The following SASH1 variants were observed in gnomAD, a reference collection of about 807,000 sequenced individuals.
The protein encoded by SASH1 is SAM and SH3 domain-containing protein 1.
Under a neutral mutation model 125.2 loss-of-function variants are expected in SASH1, and 44 were observed. That is an observed-to-expected ratio of 0.35 (90% CI 0.28 to 0.45). The LOEUF (loss-of-function observed/expected upper bound fraction) is 0.45, where lower values mean the gene tolerates loss of function less well. SASH1 is among the 20% of genes least tolerant of loss of function. The pLI is 1.00. For synonymous variants in SASH1, 639 were observed against 649.1 expected (o/e 0.98, Z 0.24); for missense variants, 1,426 against 1,614.5 (o/e 0.88, Z 2.00).
At chr6:148,212,899 A>G in the SASH1 span, among the ~76,000 whole-genome samples, 2 of 152,164 alleles carry the variant, frequency 1.3e-5, no homozygotes, top group Non-Finnish European at 2.9e-5. Context: ...TCTGTGCCTG[A>G]GCCATGCAGT....
At chr6:148,270,254 C>G (rs1779030295), upstream of SASH1, among the ~76,000 whole-genome samples, 2 of 152,198 alleles carry the variant, frequency 1.3e-5, no homozygotes, top group Non-Finnish European at 1.5e-5. Flanking sequence ...AACTCATAAG[C>G]CGGTGCTCTT....
intron 1 of SASH1, among the ~76,000 whole-genome samples, chr6:148,354,828 T>C (rs1781866853): frequency 1.3e-5 from 2 of 152,312 alleles, no homozygotes; most frequent in Admixed American, 1.3e-4. Flanking sequence ...AGTGGCGCAA[T>C]CTCGGCTCAC....
At chr6:148,468,207 T>A (rs1562436213) in intron 4 of SASH1, among the ~76,000 whole-genome samples, 3 of 152,238 alleles carry the variant, frequency 2.0e-5, no homozygotes. Context: ...TCTCTTTTCC[T>A]CTTACACAAG....
chr6:148,417,642 C>A (rs563036480), intron 2 of SASH1, among the ~76,000 whole-genome samples: 1 of 151,172 alleles, frequency 6.6e-6, no homozygotes, highest in Admixed American at 6.6e-5. Flanking sequence ...ATCAGATAGA[C>A]TCCACAGAGC....
the SASH1 span, among the ~76,000 whole-genome samples, chr6:148,252,622 G>T: frequency 6.6e-6 from 1 of 152,014 alleles, no homozygotes; most frequent in African/African-American, 2.4e-5. Flanking sequence ...GGGATTATAG[G>T]CGCTTGCCAC....
At chr6:148,368,100 T>C (rs1480179355) in intron 1 of SASH1, among the ~76,000 whole-genome samples, 1 of 152,168 alleles carries the variant, frequency 6.6e-6, no homozygotes, top group Non-Finnish European at 1.5e-5. Context: ...TAAAATATTA[T>C]GGGGTGGGGA....
intron 1 of SASH1, among the ~76,000 whole-genome samples, chr6:148,322,885 T>TTCTTTCTTTCTTTCTTTCTTTC (rs879875674): frequency 7.6e-6 from 1 of 130,970 alleles, no homozygotes; most frequent in Non-Finnish European, 1.7e-5. Flanking sequence ...CTTTCTTTCT[T>TTCTTTCTTTCTTTCTTTCTTTC]TTTCTTCTTT....
chr6:148,447,953 C>G (rs949912491), intron 4 of SASH1, among the ~76,000 whole-genome samples: 1 of 152,162 alleles, frequency 6.6e-6, no homozygotes, highest in African/African-American at 2.4e-5. Flanking sequence ...CCGCTGCCCA[C>G]TCCCCGACCT....
At chr6:148,369,806 T>C (rs1475353354) in intron 1 of SASH1, among the ~76,000 whole-genome samples, 1 of 151,178 alleles carries the variant, frequency 6.6e-6, no homozygotes, top group Non-Finnish European at 1.5e-5. Flanking sequence ...ATACAAAAAT[T>C]AGCTGGGTGT....
At chr6:148,514,729 A>G (rs1780345359) in intron 9 of SASH1, among the ~76,000 whole-genome samples, 1 of 152,128 alleles carries the variant, frequency 6.6e-6, no homozygotes, top group Non-Finnish European at 1.5e-5. Flanking sequence ...CTCGAGGTGT[A>G]GTATAGCTTT....
the SASH1 span, among the ~76,000 whole-genome samples, chr6:148,233,196 A>G: frequency 6.6e-6 from 1 of 151,210 alleles, no homozygotes; most frequent in Non-Finnish European, 1.5e-5. Flanking sequence ...CCTGGGCAAC[A>G]AGAGAGAAAC....
chr6:148,484,340 A>ACC (rs1233253562), intron 7 of SASH1, among the ~76,000 whole-genome samples: 2 of 151,998 alleles, frequency 1.3e-5, no homozygotes, highest in African/African-American at 4.8e-5. Flanking sequence ...TGCTTAAGAC[A>ACC]CACACACACA....
At chr6:148,525,838 A>G (rs1310919764) in intron 11 of SASH1, among the ~76,000 whole-genome samples, 1 of 151,984 alleles carries the variant, frequency 6.6e-6, no homozygotes, top group African/African-American at 2.4e-5. Flanking sequence ...TACTAAGCCT[A>G]GGATTTTGTG....
At position 148,529,673 on chromosome 6, in the gene SASH1, C is replaced by T. The variant is rs1163962064; in HGVS notation, c.1429-1853C>T. Among the ~76,000 whole-genome samples the T allele has an allele frequency of 2.6e-5, 4 of 152,048 alleles. No homozygotes were observed. The highest frequency in any genetic ancestry group is 9.7e-5 in the African/African-American group (4 of 41,394). ...TTTCAATAATTTTACTACCATATAG[C>T]AATCTTATGTGCTTAGTTCTGTTTT... On this transcript the variant is annotated intron_variant, in intron 12 of 19. Transcript: ENST00000367467. The surrounding 1 kb of genome is among the most constrained non-coding windows in gnomAD (Gnocchi z 4.2).
At chr6:148,499,065 T>TG (rs1554264914) in intron 8 of SASH1, among the ~76,000 whole-genome samples, 2 of 150,410 alleles carry the variant, frequency 1.3e-5, no homozygotes, top group African/African-American at 2.4e-5. Flanking sequence ...TTGTTTTTTT[T>TG]TTTTTTTTTG....
the SASH1 span, among the ~76,000 whole-genome samples, chr6:148,206,789 C>T: frequency 9.8e-6 from 1 of 101,910 alleles, no homozygotes; most frequent in Admixed American, 9.8e-5. Context: ...GACTCCATCT[C>T]AAAGCACACA....
At chr6:148,356,897 A>G (rs1781967012) in intron 1 of SASH1, among the ~76,000 whole-genome samples, 2 of 152,176 alleles carry the variant, frequency 1.3e-5, no homozygotes, top group African/African-American at 4.8e-5. Context: ...GAAGTAAGGT[A>G]GTATTACATT....
chr6:148,305,758 C>T (rs1372071227), intron 1 of SASH1, among the ~76,000 whole-genome samples: 3 of 152,066 alleles, frequency 2.0e-5, no homozygotes, highest in Admixed American at 1.3e-4. Context: ...TTTAACAGAG[C>T]TGTGGGCAGG....
intron 8 of SASH1, among the ~76,000 whole-genome samples, chr6:148,504,384 C>T (rs151322186): frequency 3.9e-5 from 6 of 152,262 alleles, no homozygotes; most frequent in African/African-American, 1.4e-4. Context: ...TCACATATTC[C>T]ACTATAAGGC....
Sources: allele counts gnomAD v4.1 joint callset (sites outside exome capture counted in the v4.1 genomes callset), GRCh38; gene constraint gnomAD v4.1.1; non-coding constraint Gnocchi (gnomAD v3.1); transcripts MANE v1.5; gene names NCBI Gene and HGNC (gene_info 2026-07-23, HGNC 2026-07-21).